The following CTLA4 variants were observed in gnomAD, a reference collection of about 807,000 sequenced individuals.
The protein encoded by CTLA4 is cytotoxic T-lymphocyte protein 4.
Under a neutral mutation model 20.4 loss-of-function variants are expected in CTLA4, and 3 were observed. The ratio of observed to expected loss-of-function variants is 0.15; its 90% CI spans 0.07 to 0.38. CTLA4 has a LOEUF of 0.38. Among genes scored for constraint, CTLA4 ranks in the 10% least tolerant of loss-of-function variants. CTLA4 has a pLI of 1.00. For synonymous variants in CTLA4, 100 were observed against 105.2 expected (o/e 0.95, Z 0.30); for missense variants, 184 against 276.8 (o/e 0.66, Z 2.38).
chr2:203,871,528 A>G (rs1180889903), intron 3 of CTLA4, 41 bp downstream of exon 3: 1 of 1,465,792 alleles, frequency 6.8e-7, no homozygotes, highest in East Asian at 2.3e-5. Flanking sequence ...TGATGGGGAT[A>G]CCTTTAGTGG....
intron 1 of CTLA4, 83 bp downstream of exon 1, chr2:203,868,134 G>A: frequency 9.8e-7 from 1 of 1,024,044 alleles, no homozygotes; most frequent in East Asian, 2.4e-5. Context: ...CAAAGGCAGT[G>A]ATTTATAGCA....
Position 203,870,508 on chromosome 2 carries a change from G to A in CTLA4, c.110-78G>A, listed in dbSNP as rs1226600149. ...AGAAAAGGCCGTGGGGATGAAGCTA[G>A]AAGGCAGAAGGGCTTGCCTGGGCTT... On this transcript the variant is annotated intron_variant, in intron 1 of 3. Transcript: ENST00000648405. This position sits in a 1 kb window ranked among gnomAD's most constrained non-coding sequence, Gnocchi z 5.3. The A allele has an allele frequency of 6.6e-7, 1 of 1,506,470 alleles. No homozygotes were observed. 93.3% of individuals were successfully genotyped at this position (1,506,470 alleles called of 1,614,324 possible).
intron 3 of CTLA4, among the ~76,000 whole-genome samples, chr2:203,872,173 C>T (rs1258970859): frequency 6.6e-6 from 1 of 152,132 alleles, no homozygotes; most frequent in Non-Finnish European, 1.5e-5. Flanking sequence ...TACAAACTCT[C>T]CCTTCTCCCT....
At chr2:203,871,629 A>T in intron 3 of CTLA4, 142 bp downstream of exon 3, 2 of 686,420 alleles carry the variant, frequency 2.9e-6, no homozygotes, top group East Asian at 2.5e-5. Context: ...TAAAGAACGC[A>T]CTAGAACCGT....
Position 203,870,453 on chromosome 2 carries a change from G to T in CTLA4, c.110-133G>T. The T allele has an allele frequency of 2.4e-6, 2 of 827,478 alleles. No homozygotes were observed. Among genetic ancestry groups the T allele is most frequent in the Non-Finnish European group, 1.9e-6 (1 of 533,592 alleles). The allele number at this position is 827,478 out of a possible 1,614,324, so 51.3% of individuals were successfully genotyped here. A position where few individuals can be genotyped will look rare whatever the true frequency, so the allele number is the denominator to read the frequency against. On this transcript the variant is annotated intron_variant, in intron 1 of 3. Transcript: ENST00000648405. The surrounding 1 kb of genome is among the most constrained non-coding windows in gnomAD (Gnocchi z 5.3). The stretch of plus-strand genomic sequence containing the variant: ...GAGGCTGGGGGTGTGGAGAGGGGAA[G>T]GGGTAAGTGATAGATTCGTTGAAGG...
intron 3 of CTLA4, among the ~76,000 whole-genome samples, chr2:203,872,255 A>G (rs1185967329): frequency 1.3e-5 from 2 of 151,664 alleles, no homozygotes; most frequent in Admixed American, 1.3e-4. Flanking sequence ...TCTGTCTCTT[A>G]TACACATACA....
intron 3 of CTLA4, 51 bp downstream of exon 3, chr2:203,871,538 G>T (rs1305915540): frequency 5.1e-6 from 7 of 1,365,870 alleles, no homozygotes; most frequent in Non-Finnish European, 6.3e-6. Flanking sequence ...ACCTTTAGTG[G>T]TATCAACTGG....
intron 2 of CTLA4, 70 bp from the exon 3 acceptor site, chr2:203,871,308 C>A: frequency 7.4e-7 from 1 of 1,346,904 alleles, no homozygotes; most frequent in South Asian, 1.2e-5. Flanking sequence ...CTTTTTTCAC[C>A]AATGTTGGGG....
chr2:203,871,059 T>C (rs1335769061), intron 2 of CTLA4, 126 bp downstream of exon 2: 3 of 767,068 alleles, frequency 3.9e-6, no homozygotes, highest in African/African-American at 1.8e-5. Context: ...TTAAGAGTTC[T>C]GTACCACATG....
At position 203,870,929 on chromosome 2, in the gene CTLA4, A is replaced by C. The variant is rs746944635; in HGVS notation, c.453A>C (p.Val151=). The C allele has an allele frequency of 6.2e-7, 1 of 1,611,486 alleles. No individual in the cohort carries two copies. Among genetic ancestry groups the C allele is most frequent in the Non-Finnish European group, 8.5e-7 (1 of 1,177,936 alleles). Residue 151 remains valine (V), a synonymous_variant, in exon 2 of 4, where the codon GTA becomes GTC. Coordinates refer to ENST00000648405, the MANE Select transcript of CTLA4 (RefSeq NM_005214.5). The surrounding 1 kb of genome is among the most constrained non-coding windows in gnomAD (Gnocchi z 5.3). ...TAGGCAACGGAACCCAGATTTATGT[A>C]ATTGGTGAGCAAAGCCATTTCACTG... ...LGIGNGTQIY[V]IDPEPCPDSD...
chr2:203,872,958 A>G lies in CTLA4; in HGVS notation c.*146A>G. On this transcript the variant is annotated 3_prime_UTR_variant, in exon 4 of 4. Transcript: ENST00000648405. Reference sequence around the variant, plus strand: ...AATATAAAGTTGGATGCGGAACCCAAATTACGTGTACTACAATTTAAAGCA... The same window carrying G: ...AATATAAAGTTGGATGCGGAACCCAGATTACGTGTACTACAATTTAAAGCA... The G allele has an allele frequency of 1.6e-6, 1 of 619,840 alleles. No homozygotes were observed. The highest frequency in any genetic ancestry group is 2.9e-6 in the Non-Finnish European group (1 of 348,386). 38.4% of individuals were successfully genotyped at this position (619,840 alleles called of 1,614,324 possible). A position where few individuals can be genotyped will look rare whatever the true frequency, so the allele number is the denominator to read the frequency against.
Position 203,870,997 on chromosome 2 carries a change from GT to G in CTLA4, c.457+68del. ...TTGCAGTCTTCTATGCACAAAAACA[GT>G]TTTGTTCCTTAATTTCAGGAGGTTT... On this transcript the variant is annotated intron_variant, in intron 2 of 3. Coordinates refer to ENST00000648405, the MANE Select transcript of CTLA4 (RefSeq NM_005214.5). The surrounding 1 kb of genome is among the most constrained non-coding windows in gnomAD (Gnocchi z 5.3). 5 of 1,308,044 alleles carry G rather than the reference GT, an allele frequency of 3.8e-6. No individual in the cohort carries two copies. Among genetic ancestry groups the G allele is most frequent in the Non-Finnish European group, 5.3e-6 (5 of 935,742 alleles). 81.0% of individuals were successfully genotyped at this position (1,308,044 alleles called of 1,614,324 possible).
rs1460039505 is a variant in CTLA4 at position 203,873,280 on chromosome 2, A to G, written c.*468A>G. The G allele has an allele frequency of 2.9e-6, 1 of 346,006 alleles. No individual in the cohort carries two copies. The highest frequency in any genetic ancestry group is 5.1e-6 in the Non-Finnish European group (1 of 197,636). The allele number at this position is 346,006 out of a possible 1,614,324, so 21.4% of individuals were successfully genotyped here. On this transcript the variant is annotated 3_prime_UTR_variant, in exon 4 of 4. Coordinates refer to ENST00000648405, the MANE Select transcript of CTLA4 (RefSeq NM_005214.5). ...ACATCAAGGCTTCAAAAATACTCACATGGCTATGTTTTAGCCAGTGATGCT... is the reference window on the plus strand; with the variant it reads ...ACATCAAGGCTTCAAAAATACTCACGTGGCTATGTTTTAGCCAGTGATGCT...
Position 203,870,619 on chromosome 2 carries a change from C to T in CTLA4, c.143C>T (p.Ala48Val). ...MHVAQPAVVL[A>V]SSRGIASFVC... is the part of the protein sequence containing the mutation. Reference sequence around the variant, plus strand: ...GTGGCCCAGCCTGCTGTGGTACTGGCCAGCAGCCGAGGCATCGCCAGCTTT... The same window carrying T: ...GTGGCCCAGCCTGCTGTGGTACTGGTCAGCAGCCGAGGCATCGCCAGCTTT... Residue 48 changes from alanine (A) to valine (V), a missense_variant, in exon 2 of 4, where the codon GCC (alanine) becomes GTC (valine). By Grantham distance (64) the Ala-to-Val change is moderately conservative. This residue lies in a region of CTLA4 where 147 missense variants were observed against 223.4 expected (regional missense o/e 0.66). Transcript: ENST00000648405. This position sits in a 1 kb window ranked among gnomAD's most constrained non-coding sequence, Gnocchi z 5.3. The T allele has an allele frequency of 6.2e-7, 1 of 1,614,166 alleles. No individual in the cohort carries two copies. The highest frequency in any genetic ancestry group is 8.5e-7 in the Non-Finnish European group (1 of 1,180,020).
In CTLA4 at chr2:203,870,294, T is replaced by A. The variant is rs1024051376; in HGVS notation, c.110-292T>A. ...GAAGTGTGACTTGCCCCAAATCACATATTTCATGGTAGAGCCAGGTCTTCT... is the reference window on the plus strand; with the variant it reads ...GAAGTGTGACTTGCCCCAAATCACAAATTTCATGGTAGAGCCAGGTCTTCT... On this transcript the variant is annotated intron_variant, in intron 1 of 3. Transcript: ENST00000648405. The surrounding 1 kb of genome is among the most constrained non-coding windows in gnomAD (Gnocchi z 5.3). The A allele has an allele frequency of 8.9e-6, 4 of 450,224 alleles. No individual in the cohort carries two copies. Among genetic ancestry groups the A allele is most frequent in the African/African-American group, 7.8e-5 (4 of 51,008 alleles). 27.9% of individuals were successfully genotyped at this position (450,224 alleles called of 1,614,324 possible).
chr2:203,871,488 G>T lies in CTLA4; in HGVS notation c.567+1G>T. The T allele has an allele frequency of 6.2e-7, 1 of 1,607,252 alleles. No individual in the cohort carries two copies. Among genetic ancestry groups the T allele is most frequent in the Non-Finnish European group, 8.5e-7 (1 of 1,173,900 alleles). The stretch of plus-strand genomic sequence containing the variant: ...CACAGCTGTTTCTTTGAGCAAAATG[G>T]TGAGTGTGGTGCTGATGGTGCACCA... On this transcript the variant is annotated splice_donor_variant, in intron 3 of 3. Transcript: ENST00000648405. LOFTEE classifies it high-confidence loss of function.
Position 203,871,450 on chromosome 2 carries a change from A to G in CTLA4, c.530A>G (p.Tyr177Cys). 2.5e-6 allele frequency: 4 copies of G among 1,614,028 alleles called. No individual in the cohort carries two copies. The highest frequency in any genetic ancestry group is 2.2e-5 in the South Asian group (2 of 91,066). Residue 177 changes from tyrosine (Y) to cysteine (C), a missense_variant, in exon 3 of 4, where the codon TAT becomes TGT. By Grantham distance (194) the Tyr-to-Cys change is radical. This residue lies in a region of CTLA4 where 147 missense variants were observed against 223.4 expected (regional missense o/e 0.66). Transcript: ENST00000648405. ...GCAGTTAGTTCGGGGTTGTTTTTTT[A>G]TAGCTTTCTCCTCACAGCTGTTTCT... ...LAAVSSGLFFYSFLLTAVSLS... is the reference protein window; with the variant it reads ...LAAVSSGLFFCSFLLTAVSLS...
chr2:203,871,040 A>G, intron 2 of CTLA4, 107 bp downstream of exon 2: 1 of 917,502 alleles, frequency 1.1e-6, no homozygotes, highest in South Asian at 1.7e-5. Context: ...AGGACTGTGG[A>G]CATTCTCTTT....
At chr2:203,868,956 C>A (rs1354344612) in intron 1 of CTLA4, among the ~76,000 whole-genome samples, 1 of 152,082 alleles carries the variant, frequency 6.6e-6, no homozygotes, top group African/African-American at 2.4e-5. Flanking sequence ...TATATGTTTT[C>A]TTATTTTTAC....
Sources: gnomAD v4.1 joint callset for allele counts (sites outside exome capture counted in the v4.1 genomes callset) on GRCh38, gnomAD v4.1.1 for gene constraint, gnomAD v4.1.1 regional missense constraint, Gnocchi (gnomAD v3.1) non-coding constraint, MANE v1.5 for transcripts, NCBI Gene and HGNC (gene_info 2026-07-23, HGNC 2026-07-21) for gene names.